Variants in ALOX12B observed in about 807,000 individuals in gnomAD.
ALOX12B encodes arachidonate 12-lipoxygenase, 12R-type.
ALOX12B carries 47 observed loss-of-function variants against 78.9 expected under a neutral mutation model. The ratio of observed to expected loss-of-function variants is 0.60; its 90% CI spans 0.47 to 0.76. The LOEUF is 0.76. Among genes scored for constraint, ALOX12B ranks in the 30% least tolerant of loss-of-function variants. The pLI, the probability that ALOX12B is intolerant of heterozygous loss-of-function variation, is 0.00. For synonymous variants in ALOX12B, 370 were observed against 374.5 expected (o/e 0.99, Z 0.14); for missense variants, 805 against 922.6 (o/e 0.87, Z 1.65).
Position 8,081,190 on chromosome 17 carries a change from G to T in ALOX12B, c.353-3C>A. 1 of 1,613,894 alleles carries T rather than the reference G, an allele frequency of 6.2e-7. No homozygotes were observed. The highest frequency in any genetic ancestry group is 8.5e-7 in the Non-Finnish European group (1 of 1,179,924). ...CGAGTCATCTGCTGTTGTCTTTCCTGTAGGGAGACCAAGGAGAGGACTCAA... is the reference window on the plus strand; with the variant it reads ...CGAGTCATCTGCTGTTGTCTTTCCTTTAGGGAGACCAAGGAGAGGACTCAA... On this transcript the variant is annotated splice_region_variant and splice_polypyrimidine_tract_variant and intron_variant, in intron 2 of 14. Coordinates refer to ENST00000647874, the MANE Select transcript of ALOX12B (RefSeq NM_001139.3).
At position 8,080,999 on chromosome 17, in the gene ALOX12B, A is replaced by G; in HGVS notation, c.435-23T>C. ...CAGCTGCAAGGGAAACCGAGATGTCACCCTCATGCCCGTGCACCACCCCAG... is the reference window on the plus strand; with the variant it reads ...CAGCTGCAAGGGAAACCGAGATGTCGCCCTCATGCCCGTGCACCACCCCAG... On this transcript the variant is annotated intron_variant, in intron 3 of 14. Transcript: ENST00000647874. The surrounding 1 kb of genome is among the most constrained non-coding windows in gnomAD (Gnocchi z 4.8). The G allele has an allele frequency of 6.2e-7, 1 of 1,613,584 alleles. No homozygotes were observed. The highest frequency in any genetic ancestry group is 8.5e-7 in the Non-Finnish European group (1 of 1,179,852).
At position 8,086,084 on chromosome 17, in the gene ALOX12B, C is replaced by A. The variant is rs150641093; in HGVS notation, c.284G>T (p.Arg95Leu). 2.5e-6 allele frequency: 4 copies of A among 1,614,138 alleles called. No individual in the cohort carries two copies. The Admixed American group carries it at 5.0e-5, about 20-fold the overall frequency. ...NYVQICAPNGRIYHFPAYQWM... is the reference protein window; with the variant it reads ...NYVQICAPNGLIYHFPAYQWM... The stretch of plus-strand genomic sequence containing the variant: ...CTGGTAGGCGGGGAAGTGGTAGATA[C>A]GGCCGTTGGGGGCACAGATCTGCAC... The change falls in exon 2 of 15, where the codon CGT becomes CTT. Residue 95 changes from arginine (R) to leucine (L), a missense_variant. Arg to Leu is a moderately radical substitution (Grantham distance 102). Coordinates refer to ENST00000647874, the MANE Select transcript of ALOX12B (RefSeq NM_001139.3).
In ALOX12B at chr17:8,073,214, C is replaced by T. The variant is rs1977017028; in HGVS notation, c.1860G>A (p.Pro620=). The T allele has an allele frequency of 6.2e-7, 1 of 1,614,050 alleles. No individual in the cohort carries two copies. Among genetic ancestry groups the T allele is most frequent in the Non-Finnish European group, 8.5e-7 (1 of 1,180,040 alleles). ...GCGTGATGCACGTGGTCTTCACATCCGGCAACGTGTCCATGAAGGTCTCCA... is the reference window on the plus strand; with the variant it reads ...GCGTGATGCACGTGGTCTTCACATCTGGCAACGTGTCCATGAAGGTCTCCA... ...TTLETFMDTL[P]DVKTTCITLL... Residue 620 remains proline (P), a synonymous_variant, in exon 14 of 15, where the codon CCG becomes CCA. Transcript: ENST00000647874.
In ALOX12B at chr17:8,087,271, C is replaced by G. The variant is rs777619262; in HGVS notation, c.147+25G>C. 1.2e-5 allele frequency: 20 copies of G among 1,608,750 alleles called. No homozygotes were observed. The African/African-American group carries it at 2.2e-4, about 17-fold the overall frequency. On this transcript the variant is annotated intron_variant, in intron 1 of 14. Transcript: ENST00000647874. ...ACACACACACACAGACACACACACA[C>G]ACACACACACACACACACTCTTACC...
At position 8,079,734 on chromosome 17, in the gene ALOX12B, A is replaced by C. The variant is rs1977166572; in HGVS notation, c.927+35T>G. 1.3e-6 allele frequency: 2 copies of C among 1,598,640 alleles called. No individual in the cohort carries two copies. ...GGGGATGCCCGCGAGGGAGGCCGGG[A>C]GGAGGGCCGGGGTCTCCGCCGGAGC... On this transcript the variant is annotated intron_variant, in intron 7 of 14. Transcript: ENST00000647874. This position sits in a 1 kb window ranked among gnomAD's most constrained non-coding sequence, Gnocchi z 6.4.
At chr17:8,084,392 C>T (rs954887842) in intron 2 of ALOX12B, among the ~76,000 whole-genome samples, 1 of 152,188 alleles carries the variant, frequency 6.6e-6, no homozygotes, top group Non-Finnish European at 1.5e-5. Context: ...TTGTGCAACC[C>T]AGAGACCTAG....
chr17:8,080,064 T>G lies in ALOX12B; in HGVS notation c.755-123A>C. 1 of 1,510,492 alleles carries G rather than the reference T, an allele frequency of 6.6e-7. No individual in the cohort carries two copies. The highest frequency in any genetic ancestry group is 2.3e-5 in the East Asian group (1 of 43,282). 93.6% of individuals were successfully genotyped at this position (1,510,492 alleles called of 1,614,324 possible). A position where few individuals can be genotyped will look rare whatever the true frequency, so the allele number is the denominator to read the frequency against. On this transcript the variant is annotated intron_variant, in intron 6 of 14. Coordinates refer to ENST00000647874, the MANE Select transcript of ALOX12B (RefSeq NM_001139.3). The surrounding 1 kb of genome is among the most constrained non-coding windows in gnomAD (Gnocchi z 4.8). Reference sequence around the variant, plus strand: ...GGGGAGGAAAACGAGGCCCCCAGCCTGGCGCTGAGCGGCCGGAGGAGCCCG... The same window carrying G: ...GGGGAGGAAAACGAGGCCCCCAGCCGGGCGCTGAGCGGCCGGAGGAGCCCG...
Position 8,073,436 on chromosome 17 carries a change from A to C in ALOX12B, c.1756-118T>G. The C allele has an allele frequency of 5.2e-6, 6 of 1,152,530 alleles. No individual in the cohort carries two copies. In the East Asian group the frequency reaches 2.0e-4, roughly 38 times the overall value. The allele number at this position is 1,152,530 out of a possible 1,614,324, so 71.4% of individuals were successfully genotyped here. A position where few individuals can be genotyped will look rare whatever the true frequency, so the allele number is the denominator to read the frequency against. On this transcript the variant is annotated intron_variant, in intron 13 of 14. Coordinates refer to ENST00000647874, the MANE Select transcript of ALOX12B (RefSeq NM_001139.3). ...GATGGACTCCCCGCCCTTGGCGCTG[A>C]GGCTGGGCTGGGTTGGTTAGACTGG...
Position 8,079,577 on chromosome 17 carries a change from A to G in ALOX12B, c.928-38T>C. The G allele has an allele frequency of 1.9e-6, 3 of 1,548,514 alleles. No homozygotes were observed. The highest frequency in any genetic ancestry group is 2.6e-6 in the Non-Finnish European group (3 of 1,146,086). On this transcript the variant is annotated intron_variant, in intron 7 of 14. Coordinates refer to ENST00000647874, the MANE Select transcript of ALOX12B (RefSeq NM_001139.3). The surrounding 1 kb of genome is among the most constrained non-coding windows in gnomAD (Gnocchi z 6.4). The stretch of plus-strand genomic sequence containing the variant: ...CGCGATGGGTGGCAAGTAGGCACCC[A>G]CACGGGAAGCCCGTGACCCGCGCCG...
rs567629436 is a variant in ALOX12B, at chr17:8,073,452, G to A, written c.1756-134C>T. On this transcript the variant is annotated intron_variant, in intron 13 of 14. Coordinates refer to ENST00000647874, the MANE Select transcript of ALOX12B (RefSeq NM_001139.3). ...TTGGCGCTGAGGCTGGGCTGGGTTG[G>A]TTAGACTGGGGGTGGGGCTGGGTGT... 595 of 893,570 alleles carry A rather than the reference G, an allele frequency of 6.7e-4. 8 individuals are homozygous for A. The South Asian group carries it at 6.9e-3, about 10-fold the overall frequency. The allele number at this position is 893,570 out of a possible 1,614,324, so 55.4% of individuals were successfully genotyped here. A position where few individuals can be genotyped will look rare whatever the true frequency, so the allele number is the denominator to read the frequency against.
At chr17:8,082,988 G>A (rs563340163) in intron 2 of ALOX12B, among the ~76,000 whole-genome samples, 1 of 152,116 alleles carries the variant, frequency 6.6e-6, no homozygotes. Context: ...AAGTTTGTCT[G>A]TTTGTTCCAC....
chr17:8,073,489 T>G (rs1297153151), intron 13 of ALOX12B, among the ~76,000 whole-genome samples, 168 bp downstream of exon 13: 1 of 151,926 alleles, frequency 6.6e-6, no homozygotes, highest in Non-Finnish European at 1.5e-5. Flanking sequence ...GGGCTGGGGC[T>G]GAGAGTTGGG....
Position 8,080,943 on chromosome 17 carries a change from A to G in ALOX12B, c.468T>C (p.Tyr156=), listed in dbSNP as rs1356411642. 6.2e-7 allele frequency: 1 copy of G among 1,613,880 alleles called. No individual in the cohort carries two copies. Among genetic ancestry groups the G allele is most frequent in the Non-Finnish European group, 8.5e-7 (1 of 1,179,996 alleles). The change falls in exon 4 of 15, where the codon TAT becomes TAC. Residue 156 remains tyrosine, a synonymous_variant. Coordinates refer to ENST00000647874, the MANE Select transcript of ALOX12B (RefSeq NM_001139.3). The surrounding 1 kb of genome is among the most constrained non-coding windows in gnomAD (Gnocchi z 4.8). The stretch of plus-strand genomic sequence containing the variant: ...GAGGGCGGTAACTGGGAATGTGCAC[A>G]TAGCTGGGCAGGCCAGGAAGAAAGA... The part of the protein sequence containing the change: ...WRVFLPGLPS[Y]VHIPSYRPPV...
chr17:8,076,012 G>A (rs1448191650), intron 11 of ALOX12B, among the ~76,000 whole-genome samples, 163 bp downstream of exon 11: 2 of 152,166 alleles, frequency 1.3e-5, no homozygotes, highest in African/African-American at 2.4e-5. Context: ...CTGCTGGGCT[G>A]AGGGTGTAGG....
At chr17:8,081,285 G>T in intron 2 of ALOX12B, 98 bp from the exon 3 acceptor site, 4 of 1,264,242 alleles carry the variant, frequency 3.2e-6, no homozygotes, top group Non-Finnish European at 4.6e-6. Context: ...TCGTCTCTGG[G>T]GGGGCCCATG....
chr17:8,080,360 A>C lies in ALOX12B; in HGVS notation c.651-22T>G. The stretch of plus-strand genomic sequence containing the variant: ...TGCCCTAGGAGATGGGATTCCAGGA[A>C]GAGGCCTTCAGAGGGGCTGCCAAGC... On this transcript the variant is annotated intron_variant, in intron 5 of 14. Coordinates refer to ENST00000647874, the MANE Select transcript of ALOX12B (RefSeq NM_001139.3). The surrounding 1 kb of genome is among the most constrained non-coding windows in gnomAD (Gnocchi z 4.8). The C allele has an allele frequency of 6.2e-7, 1 of 1,612,310 alleles. No homozygotes were observed. Among genetic ancestry groups the C allele is most frequent in the Non-Finnish European group, 8.5e-7 (1 of 1,178,378 alleles).
At chr17:8,085,141 G>A (rs186317693) in intron 2 of ALOX12B, among the ~76,000 whole-genome samples, 13 of 152,286 alleles carry the variant, frequency 8.5e-5, no homozygotes, top group African/African-American at 3.1e-4. Flanking sequence ...GTGTCCTGTT[G>A]GGAAAATAGG....
intron 2 of ALOX12B, among the ~76,000 whole-genome samples, chr17:8,081,734 C>T (rs200968990): frequency 6.6e-6 from 1 of 152,032 alleles, no homozygotes; most frequent in Non-Finnish European, 1.5e-5. Flanking sequence ...CCTCTGCCTC[C>T]TGGGTTCAAG....
Position 8,085,450 on chromosome 17 carries a change from A to G in ALOX12B, c.352+566T>C, listed in dbSNP as rs2151824673. 1.3e-5 allele frequency among the ~76,000 whole-genome samples: 2 copies of G among 152,338 alleles called. 1 individual carries two copies. The highest frequency in any genetic ancestry group is 4.1e-4 in the South Asian group (2 of 4,828). ...CAACAAGAGTGAAACTCCGTCTCAAAAAAAGAAAGCCAGGGCGTCATAATT... is the reference window on the plus strand; with the variant it reads ...CAACAAGAGTGAAACTCCGTCTCAAGAAAAGAAAGCCAGGGCGTCATAATT... On this transcript the variant is annotated intron_variant, in intron 2 of 14. Coordinates refer to ENST00000647874, the MANE Select transcript of ALOX12B (RefSeq NM_001139.3).
Sources: allele counts gnomAD v4.1 joint callset (sites outside exome capture counted in the v4.1 genomes callset), GRCh38; gene constraint gnomAD v4.1.1; non-coding constraint Gnocchi (gnomAD v3.1); transcripts MANE v1.5; gene names NCBI Gene and HGNC (gene_info 2026-07-23, HGNC 2026-07-21).